JAKMIP1: variants seen among roughly 807,000 people sequenced by gnomAD.
JAKMIP1 encodes the protein janus kinase and microtubule-interacting protein 1.
Under a neutral mutation model 113.0 loss-of-function variants are expected in JAKMIP1, and 33 were observed. The ratio of observed to expected loss-of-function variants is 0.29; its 90% CI spans 0.22 to 0.39. The LOEUF (loss-of-function observed/expected upper bound fraction) is 0.39, where lower values mean the gene tolerates loss of function less well. JAKMIP1 is among the 10% of genes least tolerant of loss of function. JAKMIP1 has a pLI of 1.00. For missense variants in JAKMIP1, 813 were observed against 1,080.5 expected, an observed-to-expected ratio of 0.75 and a Z score of 3.47; for synonymous variants, 480 against 459.9, an observed-to-expected ratio of 1.04 and a Z score of -0.56.
chr4:6,084,788 A>T, intron 5 of JAKMIP1, 58 bp downstream of exon 5: 1 of 1,531,752 alleles, frequency 6.5e-7, no homozygotes, highest in Non-Finnish European at 8.8e-7. Flanking sequence ...TGTTTCAGGG[A>T]CTCAGGGCCC....
At chr4:6,063,594 C>T (rs146426719) in intron 9 of JAKMIP1, among the ~76,000 whole-genome samples, 13 of 152,202 alleles carry the variant, frequency 8.5e-5, no homozygotes, top group African/African-American at 2.6e-4. Context: ...GTCCAGGGGA[C>T]GACCTGCAGA....
chr4:6,168,116 T>A lies in JAKMIP1; in HGVS notation c.-148+32137A>T, dbSNP rs1024705281. On this transcript the variant is annotated intron_variant, in intron 1 of 20. Coordinates refer to ENST00000409021, the MANE Select transcript of JAKMIP1 (RefSeq NM_001099433.2). The surrounding 1 kb of genome is among the most constrained non-coding windows in gnomAD (Gnocchi z 4.6). ...GGCACCACACACCACCCAGGACGGC[T>A]GCAATCAAAAAAGCGCACAACAACA... is the stretch of plus-strand genomic sequence containing the variant. Among the ~76,000 whole-genome samples the A allele has an allele frequency of 6.6e-6, 1 of 152,180 alleles. No individual in the cohort carries two copies. The highest frequency in any genetic ancestry group is 1.5e-5 in the Non-Finnish European group (1 of 68,026).
At chr4:6,062,973 T>C (rs927384540) in intron 9 of JAKMIP1, among the ~76,000 whole-genome samples, 29 of 152,276 alleles carry the variant, frequency 1.9e-4, no homozygotes, top group African/African-American at 7.0e-4. Flanking sequence ...CAAAACTCCA[T>C]CTCTACTAAA....
In JAKMIP1 at chr4:6,069,331, A is replaced by G. The variant is rs1237580010; in HGVS notation, c.1303-4323T>C. ...AGATACATTAGGAGCAAAAATGTCCACCATTTGCTCATTCTGAGCCCATCT... is the reference window on the plus strand; with the variant it reads ...AGATACATTAGGAGCAAAAATGTCCGCCATTTGCTCATTCTGAGCCCATCT... On this transcript the variant is annotated intron_variant, in intron 8 of 20. Transcript: ENST00000409021. This position sits in a 1 kb window ranked among gnomAD's most constrained non-coding sequence, Gnocchi z 4.5. Among the ~76,000 whole-genome samples the G allele has an allele frequency of 6.6e-6, 1 of 152,224 alleles. No homozygotes were observed. Among genetic ancestry groups the G allele is most frequent in the East Asian group, 1.9e-4 (1 of 5,198 alleles).
At chr4:6,147,662 C>T (rs2108975211) in intron 1 of JAKMIP1, among the ~76,000 whole-genome samples, 1 of 152,226 alleles carries the variant, frequency 6.6e-6, no homozygotes, top group East Asian at 1.9e-4. Context: ...CACTCACTCT[C>T]CCCCACCGGG....
chr4:6,054,443 G>A (rs926717944), intron 12 of JAKMIP1, among the ~76,000 whole-genome samples: 5 of 152,174 alleles, frequency 3.3e-5, no homozygotes, highest in African/African-American at 1.2e-4. Context: ...ATGAATGATG[G>A]GGAGACTGAG....
At chr4:6,133,928 G>C (rs1198522365) in intron 1 of JAKMIP1, among the ~76,000 whole-genome samples, 3 of 152,204 alleles carry the variant, frequency 2.0e-5, no homozygotes, top group Non-Finnish European at 4.4e-5. Flanking sequence ...AGACGGAGGG[G>C]GCTGGATCCC....
In JAKMIP1 at chr4:6,049,717, T is replaced by C. The variant is rs1290720954; in HGVS notation, c.1962+102A>G. On this transcript the variant is annotated intron_variant, in intron 15 of 20. Coordinates refer to ENST00000409021, the MANE Select transcript of JAKMIP1 (RefSeq NM_001099433.2). This position sits in a 1 kb window ranked among gnomAD's most constrained non-coding sequence, Gnocchi z 7.0. ...CTTACATTGTACTTCTTAGATCTCT[T>C]ACATCAGAGAGAAATTAAAAACAAA... is the stretch of plus-strand genomic sequence containing the variant. 1.2e-6 allele frequency: 1 copy of C among 863,834 alleles called. No individual in the cohort carries two copies. Among genetic ancestry groups the C allele is most frequent in the African/African-American group, 1.7e-5 (1 of 59,342 alleles). The allele number at this position is 863,834 out of a possible 1,614,324, so 53.5% of individuals were successfully genotyped here.
At chr4:6,134,196 G>C (rs1718915994) in intron 1 of JAKMIP1, among the ~76,000 whole-genome samples, 2 of 152,186 alleles carry the variant, frequency 1.3e-5, no homozygotes, top group African/African-American at 4.8e-5. Context: ...CATACTCGCT[G>C]TCTCCCGCCT....
intron 1 of JAKMIP1, among the ~76,000 whole-genome samples, chr4:6,191,175 G>A (rs904362304): frequency 1.1e-4 from 16 of 152,202 alleles, no homozygotes; most frequent in Admixed American, 5.9e-4. Flanking sequence ...CTTGGGCCAC[G>A]CCAAAGTCAT....
At chr4:6,182,153 C>G (rs1726098636) in intron 1 of JAKMIP1, among the ~76,000 whole-genome samples, 1 of 151,982 alleles carries the variant, frequency 6.6e-6, no homozygotes, top group Non-Finnish European at 1.5e-5. Flanking sequence ...TGGCTCACAC[C>G]TGTAATCCCA....
At chr4:6,175,732 C>T (rs973191578) in intron 1 of JAKMIP1, among the ~76,000 whole-genome samples, 3 of 152,246 alleles carry the variant, frequency 2.0e-5, no homozygotes, top group African/African-American at 4.8e-5. Flanking sequence ...CCTGCCAATC[C>T]GTGGCTCTCT....
At chr4:6,115,516 C>G (rs1479073628) in intron 1 of JAKMIP1, among the ~76,000 whole-genome samples, 1 of 152,218 alleles carries the variant, frequency 6.6e-6, no homozygotes, top group Non-Finnish European at 1.5e-5. Flanking sequence ...TGTTGAGCAC[C>G]TGCAAGGTGC....
intron 3 of JAKMIP1, among the ~76,000 whole-genome samples, chr4:6,091,402 T>C (rs1722046039): frequency 6.6e-6 from 1 of 152,266 alleles, no homozygotes. Context: ...ATTTTTCCTA[T>C]AACAGAAGAA....
At position 6,162,024 on chromosome 4, in the gene JAKMIP1, T is replaced by C. The variant is rs1278274886; in HGVS notation, c.-148+38229A>G. ...CACACCACGGGTACATGGTGCCTCC[T>C]TGATGGAGCCGAGCAGGAAGGAAAG... is the stretch of plus-strand genomic sequence containing the variant. On this transcript the variant is annotated intron_variant, in intron 1 of 20. Transcript: ENST00000409021. This position sits in a 1 kb window ranked among gnomAD's most constrained non-coding sequence, Gnocchi z 5.6. Among the ~76,000 whole-genome samples, 1 of 152,132 alleles carries C rather than the reference T, an allele frequency of 6.6e-6. No individual in the cohort carries two copies. Among genetic ancestry groups the C allele is most frequent in the African/African-American group, 2.4e-5 (1 of 41,426 alleles).
intron 8 of JAKMIP1, among the ~76,000 whole-genome samples, chr4:6,072,546 C>A (rs1038208209): frequency 6.6e-6 from 1 of 152,182 alleles, no homozygotes; most frequent in African/African-American, 2.4e-5. Context: ...AAAGGGCCCA[C>A]AGTTACACAC....
At chr4:6,151,335 A>G (rs1461052784) in intron 1 of JAKMIP1, among the ~76,000 whole-genome samples, 2 of 152,196 alleles carry the variant, frequency 1.3e-5, no homozygotes, top group Admixed American at 1.3e-4. Context: ...AAGCCCAGCA[A>G]TAGCAGGGCC....
chr4:6,148,079 C>G (rs1324831018), intron 1 of JAKMIP1, among the ~76,000 whole-genome samples: 2 of 152,196 alleles, frequency 1.3e-5, no homozygotes, highest in African/African-American at 4.8e-5. Context: ...AGCAGGTGCT[C>G]AGAGAATAGC....
chr4:6,155,971 G>A lies in JAKMIP1; in HGVS notation c.-147-42974C>T, dbSNP rs56379539. Among the ~76,000 whole-genome samples the A allele has an allele frequency of 0.18, 27,641 of 152,162 alleles. 2,859 individuals carry two copies. Among genetic ancestry groups the A allele is most frequent in the Non-Finnish European group, 0.23 (15,532 of 67,998 alleles). ...GATGAATATCTACTGCCACGGAAAG[G>A]GTCAGCTCTGTGACTTCTGTCCGTG... is the stretch of plus-strand genomic sequence containing the variant. On this transcript the variant is annotated intron_variant, in intron 1 of 20. Coordinates refer to ENST00000409021, the MANE Select transcript of JAKMIP1 (RefSeq NM_001099433.2). The surrounding 1 kb of genome is among the most constrained non-coding windows in gnomAD (Gnocchi z 6.1).
Sources: gnomAD v4.1 joint callset for allele counts (sites outside exome capture counted in the v4.1 genomes callset) on GRCh38, gnomAD v4.1.1 for gene constraint, Gnocchi (gnomAD v3.1) non-coding constraint, MANE v1.5 for transcripts, NCBI Gene and HGNC (gene_info 2026-07-23, HGNC 2026-07-21) for gene names.